Variants in WDPCP observed in about 807,000 individuals in gnomAD.
The protein encoded by WDPCP is WD repeat containing planar cell polarity effector, also known as WD repeat-containing and planar cell polarity effector protein fritz homolog.
WDPCP carries 71 observed loss-of-function variants against 93.1 expected under a neutral mutation model. The observed-to-expected ratio is 0.76, with a 90% CI of 0.63 to 0.93. The LOEUF (loss-of-function observed/expected upper bound fraction) is 0.93, where lower values mean the gene tolerates loss of function less well. Among genes scored for constraint, WDPCP ranks in the 40% least tolerant of loss-of-function variants. WDPCP has a pLI of 0.00. For missense variants in WDPCP, 844 were observed against 887.4 expected (o/e 0.95, Z 0.62); for synonymous variants, 315 against 315.0 (o/e 1.00, Z 0.00).
chr2:63,270,510 A>G (rs1002225296), intron 13 of WDPCP, among the ~76,000 whole-genome samples: 1 of 152,130 alleles, frequency 6.6e-6, no homozygotes, highest in Non-Finnish European at 1.5e-5. Flanking sequence ...ATGGCTAACT[A>G]GAGGCACCAG....
intron 6 of WDPCP, among the ~76,000 whole-genome samples, chr2:63,451,150 T>C (rs746339474): frequency 6.6e-6 from 1 of 151,454 alleles, no homozygotes; most frequent in Non-Finnish European, 1.5e-5. Context: ...GAGAGAAATA[T>C]AGAAAAGAAC....
chr2:63,385,770 T>C (rs997408105), intron 10 of WDPCP, among the ~76,000 whole-genome samples: 7 of 151,732 alleles, frequency 4.6e-5, no homozygotes, highest in Non-Finnish European at 1.0e-4. Context: ...TATATAGACA[T>C]GGAAAGGATC....
At chr2:63,295,880 C>CAAAAAAAAAAAAAAAAAA (rs59418675) in intron 13 of WDPCP, among the ~76,000 whole-genome samples, 1 of 115,254 alleles carries the variant, frequency 8.7e-6, no homozygotes. Context: ...GAAACTATTC[C>CAAAAAAAAAAAAAAAAAA]AAAAAAAAAA....
chr2:63,289,150 G>A (rs920240582), intron 13 of WDPCP, among the ~76,000 whole-genome samples: 2 of 151,946 alleles, frequency 1.3e-5, no homozygotes, highest in Non-Finnish European at 2.9e-5. Context: ...AATATTTTGA[G>A]GCTATGTAAA....
intron 1 of WDPCP, among the ~76,000 whole-genome samples, chr2:63,560,347 T>C (rs898233027): frequency 6.6e-6 from 1 of 152,134 alleles, no homozygotes; most frequent in Non-Finnish European, 1.5e-5. Context: ...CAAACTATAC[T>C]ACAAGGCTAC....
intron 2 of WDPCP, among the ~76,000 whole-genome samples, chr2:63,700,298 A>C (rs936443252): frequency 2.9e-5 from 3 of 104,128 alleles, no homozygotes; most frequent in Admixed American, 9.4e-5. Context: ...AAAAAAAAAA[A>C]AAAAACAAAA....
intron 3 of WDPCP, chr2:63,597,435 A>G (rs773738828): frequency 6.9e-7 from 1 of 1,459,630 alleles, no homozygotes; most frequent in Non-Finnish European, 9.1e-7. Context: ...GTTGCCTTCA[A>G]AGACCTGGAT....
At chr2:63,760,950 C>A (rs1670047569) in intron 2 of WDPCP, among the ~76,000 whole-genome samples, 1 of 152,192 alleles carries the variant, frequency 6.6e-6, no homozygotes, top group African/African-American at 2.4e-5. Flanking sequence ...TCTATTATTA[C>A]TGGGTTTACT....
chr2:63,191,752 T>A (rs1232905385), intron 14 of WDPCP, among the ~76,000 whole-genome samples: 1 of 152,190 alleles, frequency 6.6e-6, no homozygotes, highest in African/African-American at 2.4e-5. Context: ...CTACATCTGT[T>A]TTTTTTATGG....
At chr2:63,530,671 G>A (rs1471618104) in intron 1 of WDPCP, among the ~76,000 whole-genome samples, 1 of 152,164 alleles carries the variant, frequency 6.6e-6, no homozygotes, top group Non-Finnish European at 1.5e-5. Flanking sequence ...TTTCTAACAG[G>A]ATCCATGCAA....
At chr2:63,839,352 G>A in the WDPCP span, among the ~76,000 whole-genome samples, 3 of 152,210 alleles carry the variant, frequency 2.0e-5, no homozygotes, top group African/African-American at 4.8e-5. Context: ...AAGGTCAGGG[G>A]TTTGAGACCA....
chr2:63,575,526 C>CAGTGTATACGCTGTATATAT (rs1708031420), intron 1 of WDPCP, among the ~76,000 whole-genome samples: 2 of 142,034 alleles, frequency 1.4e-5, no homozygotes, highest in African/African-American at 2.6e-5. Flanking sequence ...ATAGTATATA[C>CAGTGTATACGCTGTATATAT]AGTATATACA....
chr2:63,187,544 G>A (rs1674727737), intron 14 of WDPCP, among the ~76,000 whole-genome samples: 1 of 152,144 alleles, frequency 6.6e-6, no homozygotes, highest in South Asian at 2.1e-4. Flanking sequence ...GTATCTTAAA[G>A]TTATAACAAA....
intron 14 of WDPCP, among the ~76,000 whole-genome samples, chr2:63,206,834 G>T (rs963574409): frequency 6.6e-6 from 1 of 151,854 alleles, no homozygotes; most frequent in Non-Finnish European, 1.5e-5. Flanking sequence ...TTCATTTACT[G>T]TGGTAAAAAA....
intron 2 of WDPCP, among the ~76,000 whole-genome samples, chr2:63,803,911 C>A (rs1670727691): frequency 6.6e-6 from 1 of 152,128 alleles, no homozygotes. Flanking sequence ...AAATGCCATG[C>A]TTTTATATTT....
intron 12 of WDPCP, among the ~76,000 whole-genome samples, chr2:63,318,819 C>T (rs1686861367): frequency 1.3e-5 from 2 of 152,072 alleles, no homozygotes. Context: ...ATACTATGCT[C>T]ATTAGTAGCA....
chr2:63,652,947 C>T (rs544169439), intron 2 of WDPCP, among the ~76,000 whole-genome samples: 6 of 152,144 alleles, frequency 3.9e-5, no homozygotes, highest in African/African-American at 1.2e-4. Context: ...ACCTAGATAA[C>T]GAGACAAAAA....
intron 2 of WDPCP, among the ~76,000 whole-genome samples, chr2:63,705,739 A>G (rs572245964): frequency 0.068 from 8,080 of 119,534 alleles, 502 homozygotes; most frequent in Middle Eastern, 0.14. Context: ...TTTTGGAATA[A>G]GTGTGATGTG....
At chr2:63,606,556 T>G (rs1186645771) in intron 3 of WDPCP, among the ~76,000 whole-genome samples, 1 of 152,204 alleles carries the variant, frequency 6.6e-6, no homozygotes, top group Admixed American at 6.5e-5. Flanking sequence ...TTATTATGCC[T>G]CTAGTATTAG....
Sources: allele counts gnomAD v4.1 joint callset (sites outside exome capture counted in the v4.1 genomes callset), GRCh38; gene constraint gnomAD v4.1.1; transcripts MANE v1.5; gene names NCBI Gene and HGNC (gene_info 2026-07-23, HGNC 2026-07-21).